Variants in LIMCH1 observed in about 807,000 individuals in gnomAD.
LIMCH1 encodes LIM and calponin homology domains-containing protein 1.
LIMCH1 carries 113 observed loss-of-function variants against 176.5 expected under a neutral mutation model. That is an observed-to-expected ratio of 0.64 (90% CI 0.55 to 0.75). The LOEUF (loss-of-function observed/expected upper bound fraction) is 0.75, where lower values mean the gene tolerates loss of function less well. Ranked by LOEUF, LIMCH1 falls within the 30% of genes least tolerant of loss-of-function variation. The probability of loss-of-function intolerance (pLI) is 0.00; values close to 1 mark genes in which losing one functional copy is unlikely to be tolerated. For missense variants in LIMCH1, 1,674 were observed against 1,814.9 expected (o/e 0.92, Z 1.41); for synonymous variants, 619 against 645.9 (o/e 0.96, Z 0.63).
chr4:41,372,654 A>G (rs1372208977), intron 1 of LIMCH1, among the ~76,000 whole-genome samples: 2 of 152,204 alleles, frequency 1.3e-5, no homozygotes, highest in Non-Finnish European at 2.9e-5. Flanking sequence ...GACCTTGGAC[A>G]ACATTTCCAG....
chr4:41,689,464 CTG>C (rs1723638153), intron 29 of LIMCH1, 61 bp from the exon 30 acceptor site: 1 of 845,026 alleles, frequency 1.2e-6, no homozygotes, highest in Non-Finnish European at 2.0e-6. Flanking sequence ...GGTTACATGT[CTG>C]TGTGTTTGAC....
intron 1 of LIMCH1, among the ~76,000 whole-genome samples, chr4:41,393,351 T>C (rs1363520243): frequency 6.6e-6 from 1 of 152,230 alleles, no homozygotes; most frequent in Non-Finnish European, 1.5e-5. Flanking sequence ...TGGTAAATTA[T>C]GATGGTTCTA....
chr4:41,697,134 T>TTTG, intron 31 of LIMCH1, 26 bp from the exon 32 acceptor site: 1 of 1,613,032 alleles, frequency 6.2e-7, no homozygotes, highest in Non-Finnish European at 8.5e-7. Context: ...ACCACTCTTG[T>TTTG]TTGTTGTTGT....
intron 1 of LIMCH1, among the ~76,000 whole-genome samples, chr4:41,462,728 G>A (rs1435091163): frequency 3.9e-5 from 6 of 152,156 alleles, no homozygotes; most frequent in Admixed American, 1.3e-4. Flanking sequence ...TAACATTGGA[G>A]TAAATACCAG....
At chr4:41,548,074 A>T (rs1366520725) in intron 1 of LIMCH1, among the ~76,000 whole-genome samples, 3 of 151,704 alleles carry the variant, frequency 2.0e-5, no homozygotes, top group Non-Finnish European at 4.4e-5. Context: ...AGGCATATGG[A>T]TCAACGTAGC....
chr4:41,484,636 T>G (rs1461414450), intron 1 of LIMCH1, among the ~76,000 whole-genome samples: 1 of 152,190 alleles, frequency 6.6e-6, no homozygotes, highest in Non-Finnish European at 1.5e-5. Flanking sequence ...TAATGAGGTG[T>G]TTGTAGGAGG....
intron 3 of LIMCH1, among the ~76,000 whole-genome samples, chr4:41,605,054 G>A (rs2090511492): frequency 6.6e-6 from 1 of 152,180 alleles, no homozygotes; most frequent in Admixed American, 6.5e-5. Context: ...TCAGATACTT[G>A]TAATTCAGTG....
upstream of LIMCH1, among the ~76,000 whole-genome samples, chr4:41,533,735 A>C (rs76566148): frequency 0.032 from 4,818 of 152,244 alleles, 259 homozygotes; most frequent in African/African-American, 0.11. Flanking sequence ...CCAAGGAAGA[A>C]ATTTTGATTT....
intron 1 of LIMCH1, among the ~76,000 whole-genome samples, chr4:41,368,076 TA>T (rs770446714): frequency 7.2e-5 from 11 of 152,134 alleles, no homozygotes; most frequent in Admixed American, 4.6e-4. Context: ...CAGAAGTGTT[TA>T]AAAAATATTT....
In LIMCH1 at chr4:41,360,938, T is replaced by G; in HGVS notation, c.96+2T>G. On this transcript the variant is annotated splice_donor_variant, in intron 1 of 26. Coordinates refer to the LIMCH1 transcript ENST00000313860. LOFTEE classifies it high-confidence loss of function. The surrounding 1 kb of genome is among the most constrained non-coding windows in gnomAD (Gnocchi z 4.5). Reference sequence around the variant, plus strand: ...TCCGAGGCGCAGAAGTGGATTGAGGTAGGTGCGGGTGGCTGGCGGGCGGCC... The same window carrying G: ...TCCGAGGCGCAGAAGTGGATTGAGGGAGGTGCGGGTGGCTGGCGGGCGGCC... 1 of 1,570,388 alleles carries G rather than the reference T, an allele frequency of 6.4e-7. No homozygotes were observed. Among genetic ancestry groups the G allele is most frequent in the Non-Finnish European group, 8.6e-7 (1 of 1,161,460 alleles).
intron 2 of LIMCH1, among the ~76,000 whole-genome samples, chr4:41,514,339 C>T (rs1452426426): frequency 6.6e-6 from 1 of 152,068 alleles, no homozygotes; most frequent in Non-Finnish European, 1.5e-5. Flanking sequence ...ACAGTCTCTA[C>T]TTAAATGGTT....
In LIMCH1 at chr4:41,512,066, A is replaced by C. The variant is rs528747518; in HGVS notation, c.168-12343A>C. Among the ~76,000 whole-genome samples the C allele has an allele frequency of 1.6e-4, 24 of 152,338 alleles. No homozygotes were observed. In the South Asian group the frequency reaches 5.0e-3, roughly 32 times the overall value. On this transcript the variant is annotated intron_variant, in intron 2 of 26. Transcript: ENST00000313860. ...GCTCTTATAACTCAATAATAAAAAG[A>C]TAACCCAATTTAAAAATGGACAAAA...
intron 3 of LIMCH1, 70 bp from the exon 4 acceptor site, chr4:41,605,824 C>A: frequency 1.1e-6 from 1 of 893,902 alleles, no homozygotes; most frequent in Non-Finnish European, 1.8e-6. Flanking sequence ...GTTAGTGGTA[C>A]ATTATTGACT....
intron 5 of LIMCH1, 63 bp downstream of exon 5, chr4:41,613,724 G>C (rs1294284253): frequency 7.1e-7 from 1 of 1,405,124 alleles, no homozygotes; most frequent in African/African-American, 1.4e-5. Context: ...GCTGCATTGC[G>C]CCTGGCAGAG....
intron 1 of LIMCH1, among the ~76,000 whole-genome samples, chr4:41,544,486 G>A (rs913220134): frequency 1.3e-5 from 2 of 152,192 alleles, no homozygotes; most frequent in Admixed American, 6.5e-5. Flanking sequence ...GGCCTCTAAT[G>A]TGTCAGAGAG....
intron 1 of LIMCH1, among the ~76,000 whole-genome samples, chr4:41,378,559 G>A (rs1287205254): frequency 1.3e-5 from 2 of 152,180 alleles, no homozygotes; most frequent in Admixed American, 6.5e-5. Context: ...AAGTAAGAAA[G>A]GGATGTGATT....
chr4:41,501,857 CTTTTTTTTTTTTTTTTTTT>C (rs71198662), intron 2 of LIMCH1, among the ~76,000 whole-genome samples: 1 of 74,986 alleles, frequency 1.3e-5, no homozygotes, highest in Non-Finnish European at 2.4e-5. Context: ...GTGTAGAATC[CTTTTTTTTTTTTTTTTTTT>C]TTTTTTTTTT....
chr4:41,437,102 TAAACA>T (rs933430997), intron 1 of LIMCH1, among the ~76,000 whole-genome samples: 3 of 152,216 alleles, frequency 2.0e-5, no homozygotes, highest in Non-Finnish European at 2.9e-5. Flanking sequence ...CTTTCTCACT[TAAACA>T]AAACAAAACA....
rs563860287 is a variant in LIMCH1, at chr4:41,697,933, C to G, written c.*748C>G. ...ACGTTGCCCAAAGGTAGGAAGAAAG[C>G]AGAGGGAAATATTTCAGTCATCATT... On this transcript the variant is annotated 3_prime_UTR_variant, in exon 32 of 32. Coordinates refer to ENST00000503057, the MANE Select transcript of LIMCH1 (RefSeq NM_001330672.2). The G allele has an allele frequency of 1.3e-5, 2 of 152,182 alleles. No individual in the cohort carries two copies. Among genetic ancestry groups the G allele is most frequent in the Admixed American group, 1.3e-4 (2 of 15,294 alleles). The allele number at this position is 152,182 out of a possible 1,614,324, so 9.4% of individuals were successfully genotyped here. A position where few individuals can be genotyped will look rare whatever the true frequency, so the allele number is the denominator to read the frequency against.
Sources: gnomAD v4.1 joint callset for allele counts (sites outside exome capture counted in the v4.1 genomes callset) on GRCh38, gnomAD v4.1.1 for gene constraint, Gnocchi (gnomAD v3.1) non-coding constraint, MANE v1.5 for transcripts, NCBI Gene and HGNC (gene_info 2026-07-23, HGNC 2026-07-21) for gene names.